The following ATXN7 variants were observed in gnomAD, a reference collection of about 807,000 sequenced individuals.
The protein encoded by ATXN7 is ataxin-7.
ATXN7 carries 12 observed loss-of-function variants against 70.5 expected under a neutral mutation model. The observed-to-expected ratio is 0.17, with a 90% CI of 0.11 to 0.28. The LOEUF is 0.28. Ranked by LOEUF, ATXN7 falls within the 10% of genes least tolerant of loss-of-function variation. The pLI is 1.00. For missense variants in ATXN7, 1,256 were observed against 1,131.7 expected (o/e 1.11, Z -1.58); for synonymous variants, 498 against 448.7 (o/e 1.11, Z -1.39).
intron 5 of ATXN7, among the ~76,000 whole-genome samples, chr3:63,969,005 A>G (rs576943023): frequency 6.6e-6 from 1 of 152,324 alleles, no homozygotes; most frequent in East Asian, 1.9e-4. Flanking sequence ...CTTGTCAGAC[A>G]GTTTTAGGTT....
At chr3:63,919,089 A>G (rs1333086249) in intron 4 of ATXN7, among the ~76,000 whole-genome samples, 1 of 152,140 alleles carries the variant, frequency 6.6e-6, no homozygotes, top group African/African-American at 2.4e-5. Context: ...TGTGGGCCAA[A>G]TCTTGCCTGC....
intron 5 of ATXN7, chr3:63,968,599 A>G (rs2075263941): frequency 6.6e-6 from 1 of 152,266 alleles, no homozygotes; most frequent in Non-Finnish European, 1.5e-5. Context: ...ACTTCAAAAT[A>G]CAAACAGTAA....
rs562434491 is a variant in ATXN7, at chr3:63,994,861, G to A, written c.1683-644G>A. On this transcript the variant is annotated intron_variant, in intron 11 of 12. Transcript: ENST00000674280. ...CCTGGTTTGAATTTAGATGGTTTCC[G>A]CATCCCCTAATAAATACCTTGCCCA... 4.6e-5 allele frequency among the ~76,000 whole-genome samples: 7 copies of A among 152,310 alleles called. No homozygotes were observed. In the East Asian group the frequency reaches 5.8e-4, roughly 13 times the overall value.
intron 4 of ATXN7, among the ~76,000 whole-genome samples, chr3:63,933,068 G>A (rs1052881921): frequency 6.6e-6 from 1 of 152,078 alleles, no homozygotes; most frequent in African/African-American, 2.4e-5. Context: ...TGCTTGTTTT[G>A]TAAGTAAACT....
chr3:63,878,424 T>C (rs1702807211), intron 1 of ATXN7: 1 of 152,232 alleles, frequency 6.6e-6, no homozygotes, highest in South Asian at 2.1e-4. Flanking sequence ...TCTCCTGCAC[T>C]GACCAGTTTA....
upstream of ATXN7, chr3:63,863,782 G>C (rs758671467): frequency 6.2e-5 from 78 of 1,251,730 alleles, no homozygotes; most frequent in Middle Eastern, 9.2e-4. Flanking sequence ...CGTCAGTCAC[G>C]GCTCCCATGG....
intron 1 of ATXN7, among the ~76,000 whole-genome samples, chr3:63,892,403 CACACACA>C (rs764612717): frequency 1.0e-4 from 15 of 150,618 alleles, no homozygotes; most frequent in South Asian, 6.3e-4. Context: ...CACACACACA[CACACACA>C]CCCGCCAACT....
chr3:63,863,678 A>AG (rs888973605), upstream of ATXN7: 2 of 1,235,724 alleles, frequency 1.6e-6, no homozygotes, highest in African/African-American at 3.1e-5. Context: ...GGGGAGGCCG[A>AG]GGGGTTCCCG....
chr3:63,901,373 A>C (rs1307662034), intron 2 of ATXN7: 3 of 152,088 alleles, frequency 2.0e-5, no homozygotes, highest in African/African-American at 7.2e-5. Context: ...CATTCTTCCT[A>C]ACTGAAATTT....
At chr3:63,924,794 TA>T (rs1420233825) in intron 4 of ATXN7, among the ~76,000 whole-genome samples, 1 of 152,160 alleles carries the variant, frequency 6.6e-6, no homozygotes, top group African/African-American at 2.4e-5. Context: ...GACAGCTTTT[TA>T]AAGGGTTTCA....
chr3:63,866,981 T>A (rs1335933319), intron 1 of ATXN7: 1 of 151,806 alleles, frequency 6.6e-6, no homozygotes, highest in African/African-American at 2.4e-5. Flanking sequence ...TTTGAGAATA[T>A]GAAAGACTAG....
Position 63,982,205 on chromosome 3 carries a change from G to A in ATXN7, c.772G>A (p.Val258Met), listed in dbSNP as rs957904476. The change falls in exon 7 of 13, where the codon GTG (valine) becomes ATG (methionine). Residue 258 changes from valine (V) to methionine (M), a missense_variant. Physicochemically the swap from Val to Met is conservative, Grantham distance 21 (BLOSUM62 1). Transcript: ENST00000674280. ...TGACAGCATGACACCCTCTGTGAAA[G>A]TGGAAAAGATTCATCCGAAAATGGA... The part of the protein sequence containing the change: ...HGRIMTPSVK[V>M]EKIHPKMDGT... The A allele has an allele frequency of 4.0e-5, 65 of 1,614,016 alleles. No individual in the cohort carries two copies. The highest frequency in any genetic ancestry group is 5.1e-5 in the Non-Finnish European group (60 of 1,180,040).
At chr3:63,873,229 G>T (rs1037633687) in intron 1 of ATXN7, among the ~76,000 whole-genome samples, 1 of 152,144 alleles carries the variant, frequency 6.6e-6, no homozygotes, top group Non-Finnish European at 1.5e-5. Context: ...ATCAGCCAGA[G>T]ATCTTTGGTT....
At chr3:63,876,354 C>T (rs575137364) in intron 1 of ATXN7, among the ~76,000 whole-genome samples, 18 of 152,178 alleles carry the variant, frequency 1.2e-4, no homozygotes, top group African/African-American at 3.6e-4. Flanking sequence ...TCCTCCACTC[C>T]GTACCCTGTT....
At chr3:63,986,535 C>T (rs1397467507) in intron 8 of ATXN7, among the ~76,000 whole-genome samples, 1 of 152,152 alleles carries the variant, frequency 6.6e-6, no homozygotes, top group African/African-American at 2.4e-5. Flanking sequence ...TTCGTTCTTT[C>T]AACACACGTT....
At chr3:63,913,332 C>G (rs1185284642) in intron 4 of ATXN7, 107 bp downstream of exon 4, 3 of 1,193,560 alleles carry the variant, frequency 2.5e-6, no homozygotes, top group Non-Finnish European at 3.6e-6. Context: ...CCCGACTCCC[C>G]GTGCCTGCGA....
chr3:63,961,194 TAAAA>T (rs927359691), intron 5 of ATXN7, among the ~76,000 whole-genome samples: 1 of 151,834 alleles, frequency 6.6e-6, no homozygotes, highest in Non-Finnish European at 1.5e-5. Context: ...TCCCCTCACA[TAAAA>T]AAAAGTAGAT....
chr3:63,967,613 T>G (rs78781278), intron 5 of ATXN7: 8,880 of 352,558 alleles, frequency 0.025, 125 homozygotes, highest in Non-Finnish European at 0.033. Flanking sequence ...GTAATTTGCA[T>G]TTTAGCAGGT....
At chr3:63,929,825 G>A (rs912726014) in intron 4 of ATXN7, among the ~76,000 whole-genome samples, 15 of 152,148 alleles carry the variant, frequency 9.9e-5, no homozygotes, top group South Asian at 4.1e-4. Context: ...GTGTCAGGGC[G>A]GGCACAAGGC....
Sources: gnomAD v4.1 joint callset for allele counts (sites outside exome capture counted in the v4.1 genomes callset) on GRCh38, gnomAD v4.1.1 for gene constraint, MANE v1.5 for transcripts, NCBI Gene and HGNC (gene_info 2026-07-23, HGNC 2026-07-21) for gene names.